The following ZNF415 variants were observed in gnomAD, a reference collection of about 807,000 sequenced individuals.
ZNF415 encodes zinc finger protein 415.
ZNF415 carries 5 observed loss-of-function variants against 7.3 expected under a neutral mutation model. The ratio of observed to expected loss-of-function variants is 0.69; its 90% CI spans 0.36 to 1.44. The LOEUF is 1.44. Ranked by LOEUF, ZNF415 falls within the 40% of genes most tolerant of loss-of-function variation. The pLI is 0.04. For synonymous variants in ZNF415, 207 were observed against 226.3 expected, an observed-to-expected ratio of 0.91 and a Z score of 0.77; for missense variants, 628 against 664.8, an observed-to-expected ratio of 0.94 and a Z score of 0.61.
rs1226896061 is a variant in ZNF415, at chr19:53,122,437, C to G, written c.15+225G>C. ...CATCCATGTCTGGGTGTGAGCCCTTCCCAGGACCATGCCCAGTGGACTCTT... is the reference window on the plus strand; with the variant it reads ...CATCCATGTCTGGGTGTGAGCCCTTGCCAGGACCATGCCCAGTGGACTCTT... On this transcript the variant is annotated intron_variant, in intron 2 of 3. Coordinates refer to ENST00000243643, the MANE Select transcript of ZNF415 (RefSeq NM_018355.4). 4 of 1,538,836 alleles carry G rather than the reference C, an allele frequency of 2.6e-6. No homozygotes were observed. The African/African-American group carries it at 4.1e-5, about 16-fold the overall frequency.
chr19:53,115,047 A>G (rs929827434), intron 3 of ZNF415, among the ~76,000 whole-genome samples: 2 of 152,130 alleles, frequency 1.3e-5, no homozygotes, highest in African/African-American at 4.8e-5. Flanking sequence ...CAAGAACAGG[A>G]GAGACCGGCC....
intron 1 of ZNF415, among the ~76,000 whole-genome samples, chr19:53,123,283 C>T (rs1358905338): frequency 1.3e-5 from 2 of 152,066 alleles, no homozygotes; most frequent in Non-Finnish European, 2.9e-5. Context: ...CAGCATAGCC[C>T]CCACCTTCTG....
At chr19:53,125,590 C>T (rs1270404757) in intron 1 of ZNF415, among the ~76,000 whole-genome samples, 1 of 152,044 alleles carries the variant, frequency 6.6e-6, no homozygotes, top group Non-Finnish European at 1.5e-5. Flanking sequence ...CTGTCTCAGC[C>T]TCTGAAAGTG....
At chr19:53,117,184 G>A (rs1323956283) in intron 2 of ZNF415, among the ~76,000 whole-genome samples, 1 of 152,204 alleles carries the variant, frequency 6.6e-6, no homozygotes, top group Non-Finnish European at 1.5e-5. Flanking sequence ...GCTCACGCCT[G>A]TAATCCCAGC....
At chr19:53,132,230 TC>T (rs772440052) in intron 1 of ZNF415, among the ~76,000 whole-genome samples, 4 of 152,208 alleles carry the variant, frequency 2.6e-5, no homozygotes, top group Admixed American at 6.5e-5. Context: ...GCTCTCTCTG[TC>T]CCTCGATCCC....
chr19:53,108,776 G>T lies in ZNF415; in HGVS notation c.1269C>A (p.Tyr423Ter), dbSNP rs1008100982. ...KCNECGKVFS[Y>*]NSHLASHRRV... ...TCCGATGACTCGCAAGGTGTGAATT[G>T]TAACTGAAAACCTTACCACATTCAT... Residue 423 changes from tyrosine to a stop codon, truncating the protein, a stop_gained, in exon 4 of 4, where the codon TAC becomes TAA. Transcript: ENST00000243643. LOFTEE classifies it low-confidence loss of function (END_TRUNC). 1 of 1,613,074 alleles carries T rather than the reference G, an allele frequency of 6.2e-7. No homozygotes were observed. The highest frequency in any genetic ancestry group is 8.5e-7 in the Non-Finnish European group (1 of 1,179,334).
At chr19:53,123,075 T>C (rs921972935) in intron 1 of ZNF415, among the ~76,000 whole-genome samples, 1 of 151,878 alleles carries the variant, frequency 6.6e-6, no homozygotes, top group African/African-American at 2.4e-5. Flanking sequence ...CCCTCAGAAA[T>C]AGAGGACACA....
intron 1 of ZNF415, among the ~76,000 whole-genome samples, chr19:53,123,183 C>A (rs1415976442): frequency 6.6e-6 from 1 of 152,102 alleles, no homozygotes. Flanking sequence ...ATCTCTGGGA[C>A]AGGGATGGGG....
chr19:53,120,952 C>T (rs1260524541), intron 2 of ZNF415, among the ~76,000 whole-genome samples: 6 of 151,566 alleles, frequency 4.0e-5, no homozygotes, highest in Admixed American at 1.3e-4. Context: ...GGTGTGGTGG[C>T]GCGTGCCTGT....
chr19:53,110,810 G>A (rs2086117175), intron 3 of ZNF415, among the ~76,000 whole-genome samples: 1 of 152,146 alleles, frequency 6.6e-6, no homozygotes, highest in Admixed American at 6.5e-5. Context: ...AAGAAGAATT[G>A]AAGAACAAAG....
intron 2 of ZNF415, among the ~76,000 whole-genome samples, chr19:53,120,334 T>C (rs1469793181): frequency 2.0e-5 from 3 of 152,348 alleles, no homozygotes; most frequent in East Asian, 3.9e-4. Flanking sequence ...TGTTCCTTAA[T>C]ACGAAAACGT....
chr19:53,129,726 A>G (rs565985287), intron 1 of ZNF415: 161 of 398,036 alleles, frequency 4.0e-4, no homozygotes, highest in Non-Finnish European at 2.3e-4. Context: ...CACGACCTGG[A>G]AGGGCCAATG....
chr19:53,128,175 G>C (rs1013299635), intron 1 of ZNF415, among the ~76,000 whole-genome samples: 1 of 151,988 alleles, frequency 6.6e-6, no homozygotes, highest in Non-Finnish European at 1.5e-5. Context: ...AGCACACTAG[G>C]CTGAAAGGCA....
chr19:53,109,085 T>G lies in ZNF415; in HGVS notation c.960A>C (p.Lys320Asn), dbSNP rs746391478. 3.1e-6 allele frequency: 5 copies of G among 1,612,472 alleles called. No homozygotes were observed. In the East Asian group the frequency reaches 8.9e-5, roughly 29 times the overall value. Reference sequence around the variant, plus strand: ...TGTAAGGTTTCTCTCCAATATGAGTTTTCTGATGTAGTGCAAGGCATGAAT... The same window carrying G: ...TGTAAGGTTTCTCTCCAATATGAGTGTTCTGATGTAGTGCAAGGCATGAAT... The part of the protein sequence containing the change: ...SRNSCLALHQ[K>N]THIGEKPYTC... Residue 320 changes from lysine (K) to asparagine (N), a missense_variant, in exon 4 of 4, where the codon AAA becomes AAC. By Grantham distance (94) the Lys-to-Asn change is moderately conservative (BLOSUM62 0). Coordinates refer to ENST00000243643, the MANE Select transcript of ZNF415 (RefSeq NM_018355.4).
intron 3 of ZNF415, among the ~76,000 whole-genome samples, chr19:53,111,651 A>G (rs961230036): frequency 6.6e-6 from 1 of 151,854 alleles, no homozygotes; most frequent in African/African-American, 2.4e-5. Flanking sequence ...CCCGCCTATG[A>G]TATTTCTTAT....
chr19:53,112,758 A>G (rs2146272828), intron 3 of ZNF415, among the ~76,000 whole-genome samples: 1 of 152,348 alleles, frequency 6.6e-6, no homozygotes, highest in East Asian at 1.9e-4. Context: ...CTGCATGCAC[A>G]TGTGTGGGAT....
chr19:53,109,373 G>T lies in ZNF415; in HGVS notation c.672C>A (p.Ala224=), dbSNP rs1568536439. Residue 224 remains alanine, a synonymous_variant, in exon 4 of 4, where the codon GCC becomes GCA. Coordinates refer to ENST00000243643, the MANE Select transcript of ZNF415 (RefSeq NM_018355.4). ...KPYRYIECDK[A]LNHGSHMTVR... ...CAGTCATGTGTGAGCCATGATTCAAGGCTTTGTCGCACTCAATATATCTGT... is the reference window on the plus strand; with the variant it reads ...CAGTCATGTGTGAGCCATGATTCAATGCTTTGTCGCACTCAATATATCTGT... 1.2e-6 allele frequency: 2 copies of T among 1,614,146 alleles called. No individual in the cohort carries two copies. Among genetic ancestry groups the T allele is most frequent in the Non-Finnish European group, 1.7e-6 (2 of 1,180,010 alleles).
At chr19:53,116,271 A>G in intron 3 of ZNF415, 42 bp downstream of exon 3, 2 of 1,579,422 alleles carry the variant, frequency 1.3e-6, no homozygotes, top group South Asian at 2.4e-5. Flanking sequence ...ATGGAAAGAT[A>G]CCAAGGGCAG....
chr19:53,119,325 A>G (rs2087592139), intron 2 of ZNF415, among the ~76,000 whole-genome samples: 2 of 151,156 alleles, frequency 1.3e-5, no homozygotes, highest in South Asian at 4.2e-4. Flanking sequence ...TGTGCCTGTA[A>G]TCCCAGCTAC....
Sources: gnomAD v4.1 joint callset for allele counts (sites outside exome capture counted in the v4.1 genomes callset) on GRCh38, gnomAD v4.1.1 for gene constraint, MANE v1.5 for transcripts, NCBI Gene and HGNC (gene_info 2026-07-23, HGNC 2026-07-21) for gene names.